The following RAB38 variants were observed in gnomAD, a reference collection of about 807,000 sequenced individuals.
RAB38 encodes the protein RAB38, member RAS oncogene family.
RAB38 carries 15 observed loss-of-function variants against 18.4 expected under a neutral mutation model. That is an observed-to-expected ratio of 0.82 (90% CI 0.55 to 1.26). RAB38 has a LOEUF of 1.26. Among genes scored for constraint, RAB38 ranks in the 50% most tolerant of loss-of-function variants. RAB38 has a pLI of 0.00. For synonymous variants in RAB38, 101 were observed against 104.4 expected, an observed-to-expected ratio of 0.97 and a Z score of 0.20; for missense variants, 294 against 267.4, an observed-to-expected ratio of 1.10 and a Z score of -0.69.
chr11:87,825,101 T>C, the RAB38 span, among the ~76,000 whole-genome samples: 1 of 152,114 alleles, frequency 6.6e-6, no homozygotes, highest in Admixed American at 6.6e-5. Context: ...TAGAAGGCAA[T>C]GGAGCCTTCT....
intron 1 of RAB38, among the ~76,000 whole-genome samples, chr11:88,165,075 T>C (rs1943231046): frequency 6.6e-6 from 1 of 152,060 alleles, no homozygotes; most frequent in Admixed American, 6.6e-5. Context: ...ATTCAATAAT[T>C]AGGTCTATCC....
At chr11:87,839,307 A>G in the RAB38 span, among the ~76,000 whole-genome samples, 4 of 152,216 alleles carry the variant, frequency 2.6e-5, no homozygotes, top group Admixed American at 2.6e-4. Flanking sequence ...AAAACATACA[A>G]TAATACTTTG....
the RAB38 span, among the ~76,000 whole-genome samples, chr11:87,962,301 A>C: frequency 6.6e-6 from 1 of 152,186 alleles, no homozygotes; most frequent in Admixed American, 6.6e-5. Context: ...TCATCTGTAC[A>C]ATGGATTTCA....
chr11:88,092,660 A>C, the RAB38 span, among the ~76,000 whole-genome samples: 1 of 151,836 alleles, frequency 6.6e-6, no homozygotes, highest in Non-Finnish European at 1.5e-5. Context: ...ATGTCAAAGA[A>C]TATGTTATGT....
the RAB38 span, among the ~76,000 whole-genome samples, chr11:88,019,306 C>CT: frequency 1.3e-5 from 2 of 152,054 alleles, no homozygotes; most frequent in African/African-American, 4.8e-5. Flanking sequence ...TCATCTATGA[C>CT]TTTTTTTCTT....
chr11:88,021,899 C>T, the RAB38 span, among the ~76,000 whole-genome samples: 1 of 148,382 alleles, frequency 6.7e-6, no homozygotes, highest in Admixed American at 6.7e-5. Context: ...AAATTCCTGA[C>T]CTAAAGTGAT....
the RAB38 span, among the ~76,000 whole-genome samples, chr11:87,953,950 G>A: frequency 1.3e-5 from 2 of 150,340 alleles, no homozygotes; most frequent in Non-Finnish European, 3.0e-5. Context: ...CTGTTTTGAT[G>A]TAAATCTACA....
the RAB38 span, among the ~76,000 whole-genome samples, chr11:87,819,220 A>G: frequency 3.9e-5 from 6 of 152,226 alleles, no homozygotes; most frequent in Non-Finnish European, 7.3e-5. Flanking sequence ...AGAAATAGGC[A>G]GTGTAACCTA....
the RAB38 span, among the ~76,000 whole-genome samples, chr11:88,067,437 T>C: frequency 6.6e-6 from 1 of 151,692 alleles, no homozygotes; most frequent in African/African-American, 2.4e-5. Context: ...GATTCAAGTA[T>C]CTTTCCAACT....
At chr11:88,142,515 T>C (rs533584321) in intron 2 of RAB38, among the ~76,000 whole-genome samples, 19 of 152,334 alleles carry the variant, frequency 1.2e-4, no homozygotes, top group Admixed American at 3.3e-4. Context: ...TCCCTTTCCA[T>C]AGGTATCTGT....
chr11:87,886,394 C>G, the RAB38 span, among the ~76,000 whole-genome samples: 1 of 151,816 alleles, frequency 6.6e-6, no homozygotes, highest in East Asian at 2.0e-4. Flanking sequence ...AGTCTCTCCC[C>G]TGGTGAGCCT....
At chr11:87,966,064 G>GA in the RAB38 span, among the ~76,000 whole-genome samples, 1 of 152,088 alleles carries the variant, frequency 6.6e-6, no homozygotes, top group African/African-American at 2.4e-5. Flanking sequence ...AGGACCTCAA[G>GA]AAAAAGTTTT....
intron 1 of RAB38, among the ~76,000 whole-genome samples, chr11:88,169,860 G>A (rs573369140): frequency 6.6e-6 from 1 of 152,296 alleles, no homozygotes; most frequent in East Asian, 1.9e-4. Context: ...TTGTTTTTGT[G>A]TCATCATGCT....
the RAB38 span, among the ~76,000 whole-genome samples, chr11:88,011,121 T>G: frequency 1.3e-5 from 2 of 152,222 alleles, no homozygotes; most frequent in Non-Finnish European, 2.9e-5. Context: ...TAAATGGCCC[T>G]GCAATTCTGT....
At chr11:88,044,959 C>G in the RAB38 span, among the ~76,000 whole-genome samples, 1 of 152,216 alleles carries the variant, frequency 6.6e-6, no homozygotes, top group Non-Finnish European at 1.5e-5. Context: ...AGCCCTCCCC[C>G]ACCTGCCCAG....
chr11:87,976,378 CAAAT>C, the RAB38 span, among the ~76,000 whole-genome samples: 13 of 136,856 alleles, frequency 9.5e-5, no homozygotes, highest in African/African-American at 3.5e-4. Flanking sequence ...TATACAAATA[CAAAT>C]ATTTATATAT....
At chr11:88,105,459 C>T in the RAB38 span, among the ~76,000 whole-genome samples, 2 of 152,052 alleles carry the variant, frequency 1.3e-5, no homozygotes, top group African/African-American at 4.8e-5. Flanking sequence ...AAATGAACAA[C>T]AACAAAACCA....
chr11:88,034,178 T>G, the RAB38 span, among the ~76,000 whole-genome samples: 3 of 152,254 alleles, frequency 2.0e-5, no homozygotes, highest in Non-Finnish European at 4.4e-5. Context: ...TCGCTTTTTT[T>G]CACTCAGTAT....
the RAB38 span, among the ~76,000 whole-genome samples, chr11:87,938,636 T>G: frequency 1.6e-5 from 2 of 128,612 alleles, no homozygotes; most frequent in African/African-American, 3.1e-5. Flanking sequence ...TTTTTTTGAT[T>G]TTGTTGTTGT....
Sources: allele counts gnomAD v4.1 joint callset (sites outside exome capture counted in the v4.1 genomes callset), GRCh38; gene constraint gnomAD v4.1.1; transcripts MANE v1.5; gene names NCBI Gene and HGNC (gene_info 2026-07-23, HGNC 2026-07-21).